PTPRD: variants seen among roughly 807,000 people sequenced by gnomAD.
The protein encoded by PTPRD is protein tyrosine phosphatase receptor type D.
A neutral mutation model predicts 214.5 loss-of-function variants in PTPRD; 34 were observed. That is an observed-to-expected ratio of 0.16 (90% CI 0.12 to 0.21). PTPRD has a LOEUF of 0.21. PTPRD is among the 10% of genes least tolerant of loss of function. The probability of loss-of-function intolerance (pLI) is 1.00; values close to 1 mark genes in which losing one functional copy is unlikely to be tolerated. For missense variants in PTPRD, 2,545 were observed against 2,398.7 expected, an observed-to-expected ratio of 1.06 and a Z score of -1.27; for synonymous variants, 1,128 against 845.7, an observed-to-expected ratio of 1.33 and a Z score of -5.79.
At chr9:8,453,654 G>C (rs1035483666) in intron 33 of PTPRD, among the ~76,000 whole-genome samples, 4 of 152,214 alleles carry the variant, frequency 2.6e-5, no homozygotes, top group African/African-American at 7.2e-5. Flanking sequence ...AACATAAAGT[G>C]ATTTTAGTGT....
chr9:9,467,372 G>A (rs995638856), intron 8 of PTPRD, among the ~76,000 whole-genome samples: 4 of 150,936 alleles, frequency 2.7e-5, no homozygotes, highest in Admixed American at 6.6e-5. Context: ...TGGATCGTCT[G>A]AGGTCAGGAG....
At chr9:9,070,295 A>T (rs879839684) in intron 10 of PTPRD, among the ~76,000 whole-genome samples, 4 of 152,184 alleles carry the variant, frequency 2.6e-5, no homozygotes, top group Non-Finnish European at 5.9e-5. Flanking sequence ...GTTTTACATA[A>T]GGCGTCTTGT....
chr9:8,914,880 C>A (rs1342672696), intron 11 of PTPRD, among the ~76,000 whole-genome samples: 1 of 152,134 alleles, frequency 6.6e-6, no homozygotes, highest in East Asian at 1.9e-4. Flanking sequence ...CTGCAGACAA[C>A]ACACCCCTTT....
intron 12 of PTPRD, chr9:8,700,830 T>G (rs1245321499): frequency 6.6e-6 from 1 of 152,168 alleles, no homozygotes; most frequent in East Asian, 1.9e-4. Context: ...TAAATACCAT[T>G]GCTCACCAAC....
At chr9:9,843,325 A>T (rs774635520) in intron 5 of PTPRD, among the ~76,000 whole-genome samples, 3 of 152,048 alleles carry the variant, frequency 2.0e-5, no homozygotes, top group African/African-American at 7.2e-5. Flanking sequence ...TTTCTCAGCT[A>T]ACAAAAAAAG....
chr9:10,162,644 T>C lies in PTPRD; in HGVS notation c.-544-128854A>G, dbSNP rs547923192. ...ACATATATACATGTATATAAACATA[T>C]ATATACACATATATACATGTATATG... On this transcript the variant is annotated intron_variant, in intron 3 of 45. Transcript: ENST00000381196. 2.5e-3 allele frequency among the ~76,000 whole-genome samples: 369 copies of C among 147,982 alleles called. 2 individuals carry two copies. Among genetic ancestry groups the C allele is most frequent in the Non-Finnish European group, 4.3e-3 (289 of 66,716 alleles).
chr9:8,342,668 T>C (rs1490060011), intron 39 of PTPRD, among the ~76,000 whole-genome samples: 3 of 152,116 alleles, frequency 2.0e-5, no homozygotes, highest in Non-Finnish European at 4.4e-5. Flanking sequence ...GTCATCTGTG[T>C]ATCTATGTGT....
At chr9:8,388,121 C>T (rs961504083) in intron 37 of PTPRD, among the ~76,000 whole-genome samples, 5 of 152,048 alleles carry the variant, frequency 3.3e-5, no homozygotes, top group Non-Finnish European at 7.4e-5. Flanking sequence ...TTTGATTTCC[C>T]ACCTTTGAGG....
chr9:8,433,179 A>G (rs1223471476), intron 35 of PTPRD, among the ~76,000 whole-genome samples: 2 of 152,194 alleles, frequency 1.3e-5, no homozygotes, highest in African/African-American at 4.8e-5. Context: ...AGAAATTCCC[A>G]TCACCTAGGG....
intron 12 of PTPRD, among the ~76,000 whole-genome samples, chr9:8,664,310 G>A (rs983664778): frequency 6.6e-6 from 1 of 152,090 alleles, no homozygotes. Flanking sequence ...CAACTCTTCT[G>A]AATCATATTA....
intron 11 of PTPRD, among the ~76,000 whole-genome samples, chr9:8,919,509 A>G (rs1323157528): frequency 1.3e-5 from 2 of 152,048 alleles, no homozygotes; most frequent in African/African-American, 4.8e-5. Context: ...CTATTATTAT[A>G]GTTTTCATTC....
chr9:8,952,378 G>C (rs2099107000), intron 11 of PTPRD, among the ~76,000 whole-genome samples: 1 of 151,882 alleles, frequency 6.6e-6, no homozygotes, highest in African/African-American at 2.4e-5. Context: ...ATTCTATAAA[G>C]GAATGCACAG....
chr9:9,451,707 A>T (rs571166209), intron 8 of PTPRD, among the ~76,000 whole-genome samples: 6 of 151,844 alleles, frequency 4.0e-5, no homozygotes, highest in African/African-American at 1.4e-4. Context: ...AAACCCTTAA[A>T]ATATGAGCAA....
chr9:9,064,014 G>A (rs1480885014), intron 10 of PTPRD, among the ~76,000 whole-genome samples: 3 of 152,108 alleles, frequency 2.0e-5, no homozygotes. Flanking sequence ...ATATACTCAA[G>A]TTAGATGCAA....
chr9:9,431,545 C>G (rs140425649), intron 8 of PTPRD, among the ~76,000 whole-genome samples: 4 of 152,256 alleles, frequency 2.6e-5, no homozygotes, highest in East Asian at 1.9e-4. Flanking sequence ...CCAGCCATCT[C>G]ATTACTGGGC....
At chr9:10,425,028 G>C (rs2098599327) in intron 2 of PTPRD, among the ~76,000 whole-genome samples, 1 of 151,878 alleles carries the variant, frequency 6.6e-6, no homozygotes, top group South Asian at 2.1e-4. Flanking sequence ...TGAAAATAGA[G>C]TACCTATATA....
intron 10 of PTPRD, among the ~76,000 whole-genome samples, chr9:9,068,465 T>C (rs2099738578): frequency 6.6e-6 from 1 of 152,186 alleles, no homozygotes; most frequent in Non-Finnish European, 1.5e-5. Flanking sequence ...CAACAATGCA[T>C]ATGCAATCTT....
At chr9:8,756,767 A>C (rs1043314111) in intron 11 of PTPRD, among the ~76,000 whole-genome samples, 2 of 152,176 alleles carry the variant, frequency 1.3e-5, no homozygotes, top group African/African-American at 4.8e-5. Context: ...ATAGGGAAAA[A>C]ATAATTAAAA....
intron 33 of PTPRD, among the ~76,000 whole-genome samples, chr9:8,455,499 G>A (rs1160996931): frequency 6.6e-6 from 1 of 152,108 alleles, no homozygotes; most frequent in African/African-American, 2.4e-5. Flanking sequence ...TTTTCAGTGA[G>A]TTCCCAGTTG....
Sources: gnomAD v4.1 joint callset for allele counts (sites outside exome capture counted in the v4.1 genomes callset) on GRCh38, gnomAD v4.1.1 for gene constraint, MANE v1.5 for transcripts, NCBI Gene and HGNC (gene_info 2026-07-23, HGNC 2026-07-21) for gene names.